Variants in CACUL1 observed in about 807,000 individuals in gnomAD.
CACUL1 encodes CDK2-associated and cullin domain-containing protein 1.
Under a neutral mutation model 45.2 loss-of-function variants are expected in CACUL1, and 13 were observed. That is an observed-to-expected ratio of 0.29 (90% CI 0.19 to 0.46). The LOEUF (loss-of-function observed/expected upper bound fraction) is 0.46, where lower values mean the gene tolerates loss of function less well. CACUL1 is among the 20% of genes least tolerant of loss of function. The probability of loss-of-function intolerance (pLI) is 1.00; values close to 1 mark genes in which losing one functional copy is unlikely to be tolerated. For missense variants in CACUL1, 421 were observed against 471.4 expected, an observed-to-expected ratio of 0.89 and a Z score of 0.99; for synonymous variants, 197 against 174.2, an observed-to-expected ratio of 1.13 and a Z score of -1.03.
At chr10:118,703,630 CAAT>C (rs1212673609) in intron 4 of CACUL1, among the ~76,000 whole-genome samples, 3 of 152,086 alleles carry the variant, frequency 2.0e-5, no homozygotes, top group South Asian at 2.1e-4. Context: ...AAACTCTTAA[CAAT>C]AATGCGAAAT....
chr10:118,719,006 A>G (rs1363760569), intron 3 of CACUL1, among the ~76,000 whole-genome samples: 1 of 152,244 alleles, frequency 6.6e-6, no homozygotes, highest in East Asian at 1.9e-4. Context: ...AATTATGTCA[A>G]CAATTAAACA....
At chr10:118,694,245 C>T (rs1422784861) in intron 6 of CACUL1, among the ~76,000 whole-genome samples, 3 of 152,040 alleles carry the variant, frequency 2.0e-5, no homozygotes, top group Non-Finnish European at 2.9e-5. Context: ...TCTGACAGGT[C>T]GTTTAATTAA....
At chr10:118,727,226 A>G (rs1472538591) in intron 3 of CACUL1, among the ~76,000 whole-genome samples, 1 of 151,822 alleles carries the variant, frequency 6.6e-6, no homozygotes, top group Non-Finnish European at 1.5e-5. Context: ...CCATCTCTAA[A>G]GCAAAAAACA....
chr10:118,725,814 C>T (rs1227884639), intron 3 of CACUL1, among the ~76,000 whole-genome samples: 2 of 152,168 alleles, frequency 1.3e-5, no homozygotes, highest in African/African-American at 4.8e-5. Flanking sequence ...TCTCTAAAAA[C>T]CATGTTCTCT....
rs1845159822 is a variant in CACUL1 at position 118,682,227 on chromosome 10, G to A, written c.*3901C>T. ...TCCAAACAATGGCTAGATGACTAAT[G>A]TAGGTTGTTTTGCTTTTTAGTTGCA... On this transcript the variant is annotated 3_prime_UTR_variant, in exon 9 of 9. Transcript: ENST00000369151. 6.6e-6 allele frequency: 1 copy of A among 152,196 alleles called. No individual in the cohort carries two copies. Among genetic ancestry groups the A allele is most frequent in the African/African-American group, 2.4e-5 (1 of 41,436 alleles). The allele number at this position is 152,196 out of a possible 1,614,324, so 9.4% of individuals were successfully genotyped here.
chr10:118,722,508 A>G (rs1454526427), intron 3 of CACUL1, among the ~76,000 whole-genome samples: 1 of 152,060 alleles, frequency 6.6e-6, no homozygotes, highest in Admixed American at 6.6e-5. Flanking sequence ...TGTCCAGCAT[A>G]TGCACACTGT....
chr10:118,689,522 C>T, intron 7 of CACUL1, among the ~76,000 whole-genome samples: 1 of 152,126 alleles, frequency 6.6e-6, no homozygotes, highest in East Asian at 1.9e-4. Flanking sequence ...CACTTAGAGA[C>T]AAAAATTCCT....
chr10:118,718,990 G>A (rs910433833), intron 3 of CACUL1, among the ~76,000 whole-genome samples: 5 of 152,200 alleles, frequency 3.3e-5, no homozygotes, highest in African/African-American at 1.2e-4. Context: ...ACAGCCCACT[G>A]TCAAGAATTA....
intron 3 of CACUL1, among the ~76,000 whole-genome samples, chr10:118,714,887 ATTAC>A (rs1216203105): frequency 1.3e-5 from 2 of 152,210 alleles, no homozygotes. Flanking sequence ...TCTATCCATC[ATTAC>A]TTACAGACCC....
chr10:118,687,754 C>T (rs1845222409), intron 7 of CACUL1, among the ~76,000 whole-genome samples: 1 of 152,208 alleles, frequency 6.6e-6, no homozygotes, highest in Non-Finnish European at 1.5e-5. Context: ...GCCATCCTGG[C>T]TCACTGGCTG....
At chr10:118,752,335 T>G (rs887166025) in intron 1 of CACUL1, among the ~76,000 whole-genome samples, 2 of 152,184 alleles carry the variant, frequency 1.3e-5, no homozygotes, top group Non-Finnish European at 2.9e-5. Context: ...CTTGTACTCC[T>G]AGGTTACCAA....
At chr10:118,712,142 T>C (rs1049036436) in intron 3 of CACUL1, among the ~76,000 whole-genome samples, 6 of 152,232 alleles carry the variant, frequency 3.9e-5, no homozygotes, top group Non-Finnish European at 5.9e-5. Context: ...CTTTGGGGTG[T>C]TGTTTTTCTG....
chr10:118,721,558 T>C (rs764079936), intron 3 of CACUL1, among the ~76,000 whole-genome samples: 1 of 152,054 alleles, frequency 6.6e-6, no homozygotes, highest in Non-Finnish European at 1.5e-5. Flanking sequence ...GAGATAAAAA[T>C]TGCAACATTT....
chr10:118,722,045 T>C (rs1845605513), intron 3 of CACUL1, among the ~76,000 whole-genome samples: 1 of 151,890 alleles, frequency 6.6e-6, no homozygotes, highest in South Asian at 2.1e-4. Flanking sequence ...GTTACCACAG[T>C]CTGAAAATAT....
At chr10:118,739,970 C>A (rs1426998647) in intron 1 of CACUL1, among the ~76,000 whole-genome samples, 2 of 152,066 alleles carry the variant, frequency 1.3e-5, no homozygotes, top group African/African-American at 2.4e-5. Context: ...CATGGTGAAA[C>A]CCCGTCTCTA....
At chr10:118,742,356 A>G (rs1379987268) in intron 1 of CACUL1, among the ~76,000 whole-genome samples, 3 of 152,258 alleles carry the variant, frequency 2.0e-5, no homozygotes, top group African/African-American at 7.2e-5. Context: ...AACAGTTTAC[A>G]ATGTGAATAC....
At position 118,681,458 on chromosome 10, in the gene CACUL1, CCA is replaced by C. The variant is rs1845152153; in HGVS notation, c.*4668_*4669del. The C allele has an allele frequency of 6.6e-6, 1 of 152,074 alleles. No homozygotes were observed. Among genetic ancestry groups the C allele is most frequent in the Admixed American group, 6.5e-5 (1 of 15,276 alleles). 9.4% of individuals were successfully genotyped at this position (152,074 alleles called of 1,614,324 possible). A position where few individuals can be genotyped will look rare whatever the true frequency, so the allele number is the denominator to read the frequency against. ...AAAACGCACTCTTCTAAGAGAATAC[CCA>C]GTCTTAGTGCATTTAGTACATAGTC... On this transcript the variant is annotated 3_prime_UTR_variant, in exon 9 of 9. Transcript: ENST00000369151.
intron 1 of CACUL1, among the ~76,000 whole-genome samples, chr10:118,750,212 G>A (rs1345925977): frequency 2.6e-5 from 4 of 152,130 alleles, no homozygotes; most frequent in African/African-American, 9.7e-5. Flanking sequence ...TGTAATCCCA[G>A]CTACTCAGGA....
intron 1 of CACUL1, among the ~76,000 whole-genome samples, chr10:118,739,638 T>C (rs1306395970): frequency 6.6e-6 from 1 of 152,190 alleles, no homozygotes; most frequent in Non-Finnish European, 1.5e-5. Context: ...TCTATATACA[T>C]ACTCAGAAAT....
Sources: allele counts gnomAD v4.1 joint callset (sites outside exome capture counted in the v4.1 genomes callset), GRCh38; gene constraint gnomAD v4.1.1; transcripts MANE v1.5; gene names NCBI Gene and HGNC (gene_info 2026-07-23, HGNC 2026-07-21).